Variants in MTOR observed in about 807,000 individuals in gnomAD.
MTOR encodes the protein serine/threonine-protein kinase mTOR.
A neutral mutation model predicts 319.8 loss-of-function variants in MTOR; 70 were observed. That is an observed-to-expected ratio of 0.22 (90% CI 0.18 to 0.27). The LOEUF is 0.27. Among genes scored for constraint, MTOR ranks in the 10% least tolerant of loss-of-function variants. The probability of loss-of-function intolerance (pLI) is 1.00; values close to 1 mark genes in which losing one functional copy is unlikely to be tolerated. For synonymous variants in MTOR, 1,183 were observed against 1,211.4 expected (o/e 0.98, Z 0.49); for missense variants, 1,890 against 3,274.4 (o/e 0.58, Z 10.32).
rs1289163148 is a variant in MTOR, at chr1:11,115,314, T to C, written c.7089+82A>G. 1.4e-6 allele frequency: 2 copies of C among 1,393,590 alleles called. No individual in the cohort carries two copies. The highest frequency in any genetic ancestry group is 4.6e-5 in the East Asian group (2 of 43,734). 86.3% of individuals were successfully genotyped at this position (1,393,590 alleles called of 1,614,324 possible). A position where few individuals can be genotyped will look rare whatever the true frequency, so the allele number is the denominator to read the frequency against. On this transcript the variant is annotated intron_variant, in intron 51 of 57. Transcript: ENST00000361445. The surrounding 1 kb of genome is among the most constrained non-coding windows in gnomAD (Gnocchi z 4.5). ...GGGTTAAGAGTAAGGCAGTTTGGGCTTAAGTCTGCCTACAGTGTCAGAGGA... is the reference window on the plus strand; with the variant it reads ...GGGTTAAGAGTAAGGCAGTTTGGGCCTAAGTCTGCCTACAGTGTCAGAGGA...
At chr1:11,168,632 C>T (rs1381861424) in intron 28 of MTOR, among the ~76,000 whole-genome samples, 2 of 152,172 alleles carry the variant, frequency 1.3e-5, no homozygotes, top group Non-Finnish European at 2.9e-5. Flanking sequence ...CTTGAACTGG[C>T]CTCTACTGTA....
chr1:11,245,696 TCAAGAC>T (rs1342183950), intron 8 of MTOR, among the ~76,000 whole-genome samples: 1 of 152,150 alleles, frequency 6.6e-6, no homozygotes, highest in African/African-American at 2.4e-5. Flanking sequence ...GCCCAGGAGT[TCAAGAC>T]CAGCCTGGGC....
intron 36 of MTOR, 163 bp downstream of exon 36, chr1:11,139,141 A>T: frequency 1.1e-6 from 1 of 914,070 alleles, no homozygotes; most frequent in Non-Finnish European, 1.7e-6. Context: ...GATTCACTCT[A>T]TGAAATCAGG....
At chr1:11,147,116 T>G (rs1418081367) in intron 31 of MTOR, among the ~76,000 whole-genome samples, 7 of 152,204 alleles carry the variant, frequency 4.6e-5, no homozygotes, top group South Asian at 2.1e-4. Context: ...CCTAGAGAAC[T>G]CTCTCAGGTT....
chr1:11,124,746 A>C, intron 46 of MTOR, 113 bp from the exon 47 acceptor site: 1 of 1,172,170 alleles, frequency 8.5e-7, no homozygotes, highest in Non-Finnish European at 1.1e-6. Flanking sequence ...ACCTAATCAC[A>C]CGTTCCTCAC....
intron 19 of MTOR, among the ~76,000 whole-genome samples, chr1:11,223,444 C>G (rs1646732649): frequency 6.6e-6 from 1 of 151,826 alleles, no homozygotes; most frequent in African/African-American, 2.4e-5. Flanking sequence ...CTTTAAAATA[C>G]TGCAGAAATG....
intron 30 of MTOR, among the ~76,000 whole-genome samples, chr1:11,156,614 A>G (rs1376500144): frequency 6.6e-6 from 1 of 152,098 alleles, no homozygotes; most frequent in Non-Finnish European, 1.5e-5. Flanking sequence ...CTCACACATT[A>G]TCAACATCCT....
Position 11,107,252 on chromosome 1 carries a change from A to G in MTOR, c.*233T>C. Reference sequence around the variant, plus strand: ...ATGGCTTGATTTACGTGGTATTACTATGTTTCACTGTCCTGGGAACCAAAT... The same window carrying G: ...ATGGCTTGATTTACGTGGTATTACTGTGTTTCACTGTCCTGGGAACCAAAT... On this transcript the variant is annotated 3_prime_UTR_variant, in exon 58 of 58. Transcript: ENST00000361445. 1 of 1,432,520 alleles carries G rather than the reference A, an allele frequency of 7.0e-7. No individual in the cohort carries two copies. The highest frequency in any genetic ancestry group is 9.2e-7 in the Non-Finnish European group (1 of 1,087,848). The allele number at this position is 1,432,520 out of a possible 1,614,324, so 88.7% of individuals were successfully genotyped here.
At position 11,109,230 on chromosome 1, in the gene MTOR, C is replaced by CA; in HGVS notation, c.7528+59dup. ...ACTGGACATGGGGCTGACCACCACT[C>CA]AGAGAGGAAAGTGTGCTCAGATTTT... On this transcript the variant is annotated intron_variant, in intron 56 of 57. Transcript: ENST00000361445. The surrounding 1 kb of genome is among the most constrained non-coding windows in gnomAD (Gnocchi z 4.0). 3 of 1,509,132 alleles carry CA rather than the reference C, an allele frequency of 2.0e-6. No individual in the cohort carries two copies. Among genetic ancestry groups the CA allele is most frequent in the East Asian group, 4.5e-5 (2 of 44,386 alleles). 93.5% of individuals were successfully genotyped at this position (1,509,132 alleles called of 1,614,324 possible).
At chr1:11,192,130 C>T in intron 28 of MTOR, 1 of 682,100 alleles carries the variant, frequency 1.5e-6, no homozygotes, top group South Asian at 1.8e-5. Flanking sequence ...CCCATATCCA[C>T]CTCTCCCAAA....
chr1:11,235,311 C>A (rs1042360275), intron 13 of MTOR, among the ~76,000 whole-genome samples: 1 of 152,158 alleles, frequency 6.6e-6, no homozygotes, highest in Non-Finnish European at 1.5e-5. Context: ...ACCCTGATGA[C>A]CAAGACCGCA....
Position 11,185,413 on chromosome 1 carries a change from CAA to C in MTOR, c.4253+13843_4253+13844del, listed in dbSNP as rs35733842. On this transcript the variant is annotated intron_variant, in intron 28 of 57. Coordinates refer to ENST00000361445, the MANE Select transcript of MTOR (RefSeq NM_004958.4). ...CAACACAGTGAGACCCCCATCACTA[CAA>C]AAAAAAAAAAAGAAAAGAAAGAAAG... Among the ~76,000 whole-genome samples the C allele has an allele frequency of 2.9e-4, 31 of 105,430 alleles. 1 individual carries two copies. Among genetic ancestry groups the C allele is most frequent in the South Asian group, 6.2e-4 (2 of 3,234 alleles). 69.2% of individuals were successfully genotyped at this position (105,430 alleles called of 152,430 possible).
chr1:11,119,486 G>C (rs1486656494), intron 49 of MTOR, among the ~76,000 whole-genome samples: 1 of 149,884 alleles, frequency 6.7e-6, no homozygotes, highest in African/African-American at 2.5e-5. Flanking sequence ...CAGAAGAATG[G>C]TGTGAACCCG....
intron 29 of MTOR, among the ~76,000 whole-genome samples, chr1:11,162,135 A>C (rs1644495991): frequency 6.6e-6 from 1 of 152,268 alleles, no homozygotes; most frequent in Non-Finnish European, 1.5e-5. Context: ...TACGTGATGC[A>C]TGCACAAGCT....
intron 28 of MTOR, among the ~76,000 whole-genome samples, chr1:11,180,922 G>A (rs1357225746): frequency 3.3e-5 from 5 of 152,046 alleles, no homozygotes; most frequent in African/African-American, 1.2e-4. Context: ...GACTACAGGA[G>A]TGTGCCACCA....
chr1:11,126,510 A>T (rs891116479), intron 46 of MTOR, 112 bp downstream of exon 46: 3 of 1,205,944 alleles, frequency 2.5e-6, no homozygotes, highest in Non-Finnish European at 3.5e-6. Flanking sequence ...GGAGAGATGT[A>T]GCTATGATAG....
At chr1:11,217,343 A>G (rs1472039290) in intron 19 of MTOR, among the ~76,000 whole-genome samples, 2 of 152,148 alleles carry the variant, frequency 1.3e-5, no homozygotes, top group Non-Finnish European at 2.9e-5. Context: ...AGCTTCAGAT[A>G]GTATTACACG....
chr1:11,118,228 ATTT>A lies in MTOR; in HGVS notation c.6934-1145_6934-1143del, dbSNP rs771785403. Among the ~76,000 whole-genome samples, 710 of 120,754 alleles carry A rather than the reference ATTT, an allele frequency of 5.9e-3. 7 individuals are homozygous for A. Among genetic ancestry groups the A allele is most frequent in the African/African-American group, 0.022 (564 of 25,186 alleles). 79.2% of individuals were successfully genotyped at this position (120,754 alleles called of 152,430 possible). ...ACGCCTTAAATTCCAAACTTAGTTA[ATTT>A]TTTTTTTTTTTTTTTTTTTTTTTTG... On this transcript the variant is annotated intron_variant, in intron 49 of 57. Coordinates refer to ENST00000361445, the MANE Select transcript of MTOR (RefSeq NM_004958.4).
In MTOR at chr1:11,109,155, CA is replaced by C. The variant is rs1641727935; in HGVS notation, c.7528+134del. On this transcript the variant is annotated intron_variant, in intron 56 of 57. Transcript: ENST00000361445. This position sits in a 1 kb window ranked among gnomAD's most constrained non-coding sequence, Gnocchi z 4.0. ...AGAGACAATGTTTAACTGATGACCT[CA>C]AAGACACTCTTTGTCAGCTGCATGG... The C allele has an allele frequency of 1.4e-6, 1 of 702,572 alleles. No individual in the cohort carries two copies. Among genetic ancestry groups the C allele is most frequent in the Admixed American group, 2.7e-5 (1 of 36,990 alleles). The allele number at this position is 702,572 out of a possible 1,614,324, so 43.5% of individuals were successfully genotyped here.
Sources: gnomAD v4.1 joint callset for allele counts (sites outside exome capture counted in the v4.1 genomes callset) on GRCh38, gnomAD v4.1.1 for gene constraint, Gnocchi (gnomAD v3.1) non-coding constraint, MANE v1.5 for transcripts, NCBI Gene and HGNC (gene_info 2026-07-23, HGNC 2026-07-21) for gene names.